ZNF469: variants seen among roughly 807,000 people sequenced by gnomAD.
The protein encoded by ZNF469 is zinc finger protein 469.
A neutral mutation model predicts 1.0 loss-of-function variants in ZNF469; 1 was observed. The ratio of observed to expected loss-of-function variants is 1.00; its 90% CI spans 0.35 to 4.73. The LOEUF (loss-of-function observed/expected upper bound fraction) is 4.73, where lower values mean the gene tolerates loss of function less well. Ranked by LOEUF, ZNF469 falls within the 30% of genes most tolerant of loss-of-function variation. The pLI is 0.16. For synonymous variants in ZNF469, 2,703 were observed against 2,363.4 expected (o/e 1.14, Z -4.17); for missense variants, 6,100 against 5,356.3 (o/e 1.14, Z -4.33).
At chr16:88,126,168 GAC>G in the ZNF469 span, among the ~76,000 whole-genome samples, 1 of 124,976 alleles carries the variant, frequency 8.0e-6, no homozygotes, top group Non-Finnish European at 1.6e-5. Context: ...CAGCCTGGGT[GAC>G]AGAGTGAGAC....
the ZNF469 span, among the ~76,000 whole-genome samples, chr16:88,119,901 A>T: frequency 6.6e-6 from 1 of 152,124 alleles, no homozygotes; most frequent in African/African-American, 2.4e-5. Flanking sequence ...GTTCAGTCAG[A>T]CCACATTTGC....
chr16:88,363,878 T>G, the ZNF469 span, among the ~76,000 whole-genome samples: 336 of 152,236 alleles, frequency 2.2e-3, 3 homozygotes, highest in South Asian at 0.032. Context: ...ATTACCTGCA[T>G]GCAGGCTGGT....
At chr16:88,266,184 G>T in the ZNF469 span, among the ~76,000 whole-genome samples, 5 of 152,264 alleles carry the variant, frequency 3.3e-5, no homozygotes, top group Admixed American at 3.3e-4. Flanking sequence ...GCTCAGGAGG[G>T]CAGGGGGCCC....
chr16:88,362,676 G>C, the ZNF469 span, among the ~76,000 whole-genome samples: 2 of 152,096 alleles, frequency 1.3e-5, no homozygotes, highest in African/African-American at 4.8e-5. Flanking sequence ...TCAGAAGTTT[G>C]ACTATGATAT....
the ZNF469 span, among the ~76,000 whole-genome samples, chr16:88,278,400 C>T: frequency 6.6e-5 from 5 of 75,860 alleles, no homozygotes; most frequent in Admixed American, 1.6e-4. Flanking sequence ...GCCACCCTGA[C>T]ACTCGGTCAG....
chr16:88,301,775 T>G, the ZNF469 span, among the ~76,000 whole-genome samples: 28 of 152,222 alleles, frequency 1.8e-4, no homozygotes, highest in Admixed American at 1.6e-3. Context: ...TTTTTGTGGG[T>G]TACTGAGAAA....
At position 88,427,439 on chromosome 16, in the gene ZNF469, C is replaced by G; in HGVS notation, c.-32C>G. The G allele has an allele frequency of 6.9e-7, 1 of 1,457,042 alleles. No homozygotes were observed. The highest frequency in any genetic ancestry group is 9.0e-7 in the Non-Finnish European group (1 of 1,106,582). The allele number at this position is 1,457,042 out of a possible 1,614,324, so 90.3% of individuals were successfully genotyped here. On this transcript the variant is annotated 5_prime_UTR_variant, in exon 3 of 3. Transcript: ENST00000565624. ...ACTCCCCAGGGCCCCCCTCGGACAG[C>G]TGCGTCGTCCTAGCGCCAGGACGGA...
chr16:88,128,732 T>C, the ZNF469 span, among the ~76,000 whole-genome samples: 1 of 152,220 alleles, frequency 6.6e-6, no homozygotes, highest in Non-Finnish European at 1.5e-5. Context: ...CCAAGCTGCC[T>C]GGGCAAGAGC....
At chr16:88,208,756 C>G in the ZNF469 span, among the ~76,000 whole-genome samples, 1 of 149,312 alleles carries the variant, frequency 6.7e-6, no homozygotes, top group Non-Finnish European at 1.5e-5. Flanking sequence ...TATAATCTGT[C>G]CATAGTAAAT....
chr16:88,120,720 C>A, the ZNF469 span, among the ~76,000 whole-genome samples: 2 of 152,222 alleles, frequency 1.3e-5, no homozygotes, highest in Admixed American at 1.3e-4. Flanking sequence ...GCTCCCAGCA[C>A]GGTGGAAGGC....
At chr16:88,386,541 A>T (rs1300633272) in intron 1 of ZNF469, among the ~76,000 whole-genome samples, 1 of 152,080 alleles carries the variant, frequency 6.6e-6, no homozygotes, top group Non-Finnish European at 1.5e-5. Flanking sequence ...CCCTTGACGA[A>T]GGGGCCCTAT....
At chr16:88,149,432 G>GC in the ZNF469 span, among the ~76,000 whole-genome samples, 12 of 152,140 alleles carry the variant, frequency 7.9e-5, no homozygotes, top group Non-Finnish European at 1.3e-4. Flanking sequence ...CCATTTGTCG[G>GC]CCCCCGCCTC....
rs748602541 is a variant in ZNF469 at position 88,431,849 on chromosome 16, C to A, written c.4379C>A (p.Pro1460Gln). ...TCCTCATCCCTCTTCCCAGACCTGCCGGTGGACAGATTCGACCCACCCCTC... is the reference window on the plus strand; with the variant it reads ...TCCTCATCCCTCTTCCCAGACCTGCAGGTGGACAGATTCGACCCACCCCTC... The part of the protein sequence containing the change: ...LESSSLFPDL[P>Q]VDRFDPPLYG... Residue 1460 changes from proline (P) to glutamine (Q), a missense_variant, in exon 3 of 3, where the codon CCG becomes CAG. Coordinates refer to ENST00000565624, the MANE Select transcript of ZNF469 (RefSeq NM_001367624.2). The A allele has an allele frequency of 6.5e-7, 1 of 1,550,016 alleles. No homozygotes were observed. The highest frequency in any genetic ancestry group is 1.2e-5 in the South Asian group (1 of 84,058).
chr16:88,256,951 T>TTC, the ZNF469 span, among the ~76,000 whole-genome samples: 1 of 16,670 alleles, frequency 6.0e-5, no homozygotes, highest in Non-Finnish European at 1.6e-4. Flanking sequence ...TCTTTCTTTC[T>TTC]TTTCTTTTCT....
chr16:88,362,920 G>T, the ZNF469 span, among the ~76,000 whole-genome samples: 2 of 152,020 alleles, frequency 1.3e-5, no homozygotes, highest in Non-Finnish European at 2.9e-5. Context: ...TTTATCTAGG[G>T]TTAAACCACG....
the ZNF469 span, among the ~76,000 whole-genome samples, chr16:88,166,092 A>G: frequency 0.01 from 1,574 of 152,376 alleles, 17 homozygotes; most frequent in African/African-American, 0.035. The surrounding 1 kb of genome is among the most constrained non-coding windows in gnomAD (Gnocchi z 4.5). Context: ...CACTGCGTGT[A>G]GAGTGAGATT....
upstream of ZNF469, among the ~76,000 whole-genome samples, chr16:88,382,935 A>C: frequency 1.3e-5 from 2 of 148,902 alleles, no homozygotes; most frequent in Non-Finnish European, 1.5e-5. Context: ...TCTGTAACCT[A>C]AGCCGCCCCA....
the ZNF469 span, among the ~76,000 whole-genome samples, chr16:88,223,336 T>C: frequency 2.6e-5 from 4 of 152,228 alleles, no homozygotes; most frequent in Admixed American, 2.6e-4. Flanking sequence ...CCTGCTGCCA[T>C]GTAAGACATG....
chr16:88,411,240 G>C (rs535214473), intron 1 of ZNF469, among the ~76,000 whole-genome samples: 8 of 152,326 alleles, frequency 5.3e-5, no homozygotes, highest in Non-Finnish European at 8.8e-5. Context: ...GAGGGTGAAA[G>C]TGCCACACAG....
Sources: allele counts gnomAD v4.1 joint callset (sites outside exome capture counted in the v4.1 genomes callset), GRCh38; gene constraint gnomAD v4.1.1; non-coding constraint Gnocchi (gnomAD v3.1); transcripts MANE v1.5; gene names NCBI Gene and HGNC (gene_info 2026-07-23, HGNC 2026-07-21).